Variants in VPS16 observed in about 807,000 individuals in gnomAD.
VPS16 encodes the protein VPS16 core subunit of CORVET and HOPS complexes.
A neutral mutation model predicts 116.0 loss-of-function variants in VPS16; 82 were observed. The observed-to-expected ratio is 0.71, with a 90% confidence interval of 0.59 to 0.85. VPS16 has a LOEUF of 0.85. VPS16 is among the 40% of genes least tolerant of loss of function. The pLI is 0.00. For synonymous variants in VPS16, 406 were observed against 420.7 expected (o/e 0.96, Z 0.43); for missense variants, 928 against 1,090.6 (o/e 0.85, Z 2.10).
chr20:2,856,579 T>C (rs2089173943), intron 1 of VPS16, among the ~76,000 whole-genome samples: 1 of 152,232 alleles, frequency 6.6e-6, no homozygotes, highest in Non-Finnish European at 1.5e-5. Context: ...GTCTACCCCA[T>C]CTACCACCCT....
In VPS16 at chr20:2,840,753, C is replaced by A; in HGVS notation, c.-22C>A. ...TAGGTGGGTGTCCCCTCGGTGCTTCCCAGCTGCCGTCTGCACCAGCCATGG... is the reference window on the plus strand; with the variant it reads ...TAGGTGGGTGTCCCCTCGGTGCTTCACAGCTGCCGTCTGCACCAGCCATGG... On this transcript the variant is annotated 5_prime_UTR_variant, in exon 1 of 24. Transcript: ENST00000380445. 6.5e-7 allele frequency: 1 copy of A among 1,547,958 alleles called. No homozygotes were observed. Among genetic ancestry groups the A allele is most frequent in the Non-Finnish European group, 8.7e-7 (1 of 1,146,454 alleles).
chr20:2,864,554 A>T lies in VPS16; in HGVS notation c.1826A>T (p.Lys609Met), dbSNP rs140467279. The change falls in exon 19 of 24, where the codon AAG (lysine) becomes ATG (methionine). Residue 609 changes from lysine (K) to methionine (M), a missense_variant. Coordinates refer to ENST00000380445, the MANE Select transcript of VPS16 (RefSeq NM_022575.4). This position sits in a 1 kb window ranked among gnomAD's most constrained non-coding sequence, Gnocchi z 5.2. ...GCCTGCCTGTGGCCCCAGTTCTGTA[A>T]GCATCAGGAGCTAGAGACGCTGAAG... ...MALSLYRQFC[K>M]HQELETLKDL... 664 of 1,614,122 alleles carry T rather than the reference A, an allele frequency of 4.1e-4. 5 individuals carry two copies. The East Asian group carries it at 8.1e-3, about 20-fold the overall frequency.
intron 1 of VPS16, among the ~76,000 whole-genome samples, chr20:2,845,489 C>T (rs1206020749): frequency 6.6e-6 from 1 of 150,784 alleles, no homozygotes; most frequent in East Asian, 1.9e-4. Context: ...ATTTTTGTTT[C>T]ATTTTGTTTT....
chr20:2,862,604 A>G lies in VPS16; in HGVS notation c.1097A>G (p.Tyr366Cys). 1 of 1,613,222 alleles carries G rather than the reference A, an allele frequency of 6.2e-7. No individual in the cohort carries two copies. The highest frequency in any genetic ancestry group is 8.5e-7 in the Non-Finnish European group (1 of 1,179,764). ...YEKESQKADE[Y>C]LREIQELGQL... ...AAAGAGAGCCAGAAGGCGGACGAGTACCTGCGGGAGATCCAGGAGCTGGGC... is the reference window on the plus strand; with the variant it reads ...AAAGAGAGCCAGAAGGCGGACGAGTGCCTGCGGGAGATCCAGGAGCTGGGC... Residue 366 changes from tyrosine (Y) to cysteine (C), a missense_variant, in exon 12 of 24, where the codon TAC (tyrosine) becomes TGC (cysteine). By Grantham distance (194) the Tyr-to-Cys change is radical. Coordinates refer to ENST00000380445, the MANE Select transcript of VPS16 (RefSeq NM_022575.4).
At chr20:2,842,521 C>T (rs73606183) in intron 1 of VPS16, among the ~76,000 whole-genome samples, 2 of 151,522 alleles carry the variant, frequency 1.3e-5, no homozygotes, top group African/African-American at 4.9e-5. Flanking sequence ...GCAGGAGAAT[C>T]GCTTGAACCT....
intron 1 of VPS16, among the ~76,000 whole-genome samples, chr20:2,843,301 A>G (rs1435438172): frequency 6.6e-6 from 1 of 152,104 alleles, no homozygotes; most frequent in Non-Finnish European, 1.5e-5. Context: ...GCGTGGTGGC[A>G]CACACCTATA....
chr20:2,856,171 G>A (rs1215905040), intron 1 of VPS16, among the ~76,000 whole-genome samples: 1 of 152,178 alleles, frequency 6.6e-6, no homozygotes, highest in Non-Finnish European at 1.5e-5. Context: ...TACACTGTGT[G>A]TCTCAGGGAA....
At chr20:2,858,398 C>T (rs756986921) in intron 1 of VPS16, among the ~76,000 whole-genome samples, 41 of 152,182 alleles carry the variant, frequency 2.7e-4, no homozygotes, top group Non-Finnish European at 5.6e-4. Context: ...TGAGCCACCT[C>T]ACTCCTTACT....
At chr20:2,847,388 A>G (rs895691523) in intron 1 of VPS16, among the ~76,000 whole-genome samples, 8 of 151,694 alleles carry the variant, frequency 5.3e-5, no homozygotes, top group East Asian at 3.9e-4. Context: ...GATTTTATCC[A>G]TCTCACCCAC....
intron 1 of VPS16, among the ~76,000 whole-genome samples, chr20:2,856,690 G>A (rs776248804): frequency 6.6e-6 from 1 of 152,050 alleles, no homozygotes; most frequent in African/African-American, 2.4e-5. Context: ...ATTTATTGTG[G>A]TTCTTCCTAT....
In VPS16 at chr20:2,864,288, G is replaced by A. The variant is rs770245630; in HGVS notation, c.1720+1G>A. 6.2e-7 allele frequency: 1 copy of A among 1,614,202 alleles called. No individual in the cohort carries two copies. Reference sequence around the variant, plus strand: ...ATCGAGAGCGGGGACACTGACCTGGGTGAGGGCAAGGCTGGGGGGCCCCTG... The same window carrying A: ...ATCGAGAGCGGGGACACTGACCTGGATGAGGGCAAGGCTGGGGGGCCCCTG... On this transcript the variant is annotated splice_donor_variant, in intron 17 of 23. Transcript: ENST00000380445. LOFTEE classifies it high-confidence loss of function. This position sits in a 1 kb window ranked among gnomAD's most constrained non-coding sequence, Gnocchi z 5.2.
chr20:2,843,511 C>T (rs1389875082), intron 1 of VPS16, among the ~76,000 whole-genome samples: 1 of 151,928 alleles, frequency 6.6e-6, no homozygotes, highest in Admixed American at 6.6e-5. Context: ...TCCATAAATG[C>T]AGTAGGAAAT....
intron 1 of VPS16, among the ~76,000 whole-genome samples, chr20:2,850,911 T>G (rs951195005): frequency 7.4e-6 from 1 of 135,868 alleles, no homozygotes; most frequent in Non-Finnish European, 1.5e-5. Flanking sequence ...AGGTCATGGC[T>G]ACAGTGAGCC....
In VPS16 at chr20:2,861,019, T is replaced by C. The variant is rs1229181040; in HGVS notation, c.680T>C (p.Val227Ala). The change falls in exon 7 of 24, where the codon GTC becomes GCC. Residue 227 changes from valine to alanine, a missense_variant. Physicochemically the swap from Val to Ala is moderately conservative, Grantham distance 64. Transcript: ENST00000380445. ...GTAAGCAGCTTCCTACAGATGGCTG[T>C]CTCCTTCACCTACCGACACCTGGCA... ...PGVSSFLQMA[V>A]SFTYRHLALF... The C allele has an allele frequency of 6.2e-7, 1 of 1,614,114 alleles. No homozygotes were observed. Among genetic ancestry groups the C allele is most frequent in the Non-Finnish European group, 8.5e-7 (1 of 1,180,016 alleles).
chr20:2,854,612 G>A (rs1028869472), intron 1 of VPS16, among the ~76,000 whole-genome samples: 1 of 151,572 alleles, frequency 6.6e-6, no homozygotes, highest in African/African-American at 2.4e-5. Flanking sequence ...TGGCCAACAC[G>A]GTGAAACCCT....
At position 2,856,809 on chromosome 20, in the gene VPS16, T is replaced by G. The variant is rs75590716; in HGVS notation, c.54-2910T>G. ...CCTAGACGCCATCCTCTTCCATTGA[T>G]CTATTTGCACATTCCTGTGCCAAAA... On this transcript the variant is annotated intron_variant, in intron 1 of 23. Coordinates refer to ENST00000380445, the MANE Select transcript of VPS16 (RefSeq NM_022575.4). 2.7e-3 allele frequency among the ~76,000 whole-genome samples: 413 copies of G among 152,368 alleles called. 18 individuals are homozygous for G. In the East Asian group the frequency reaches 0.073, roughly 27 times the overall value.
At position 2,863,773 on chromosome 20, in the gene VPS16, AAG is replaced by A. The variant is rs1227603902; in HGVS notation, c.1477-174_1477-173del. Among the ~76,000 whole-genome samples, 6 of 152,010 alleles carry A rather than the reference AAG, an allele frequency of 3.9e-5. No individual in the cohort carries two copies. The highest frequency in any genetic ancestry group is 7.4e-5 in the Non-Finnish European group (5 of 67,946). On this transcript the variant is annotated intron_variant, in intron 15 of 23. Coordinates refer to ENST00000380445, the MANE Select transcript of VPS16 (RefSeq NM_022575.4). The surrounding 1 kb of genome is among the most constrained non-coding windows in gnomAD (Gnocchi z 4.4). Reference sequence around the variant, plus strand: ...CAAGACTCTGTCTCAAAAAAAAAGAAAGAAGTGGCGGGGGCGGAGGAGGAGGG... The same window carrying A: ...CAAGACTCTGTCTCAAAAAAAAAGAAAAGTGGCGGGGGCGGAGGAGGAGGG...
At position 2,863,487 on chromosome 20, in the gene VPS16, G is replaced by A; in HGVS notation, c.1476+89G>A. The A allele has an allele frequency of 7.5e-7, 1 of 1,338,142 alleles. No homozygotes were observed. The highest frequency in any genetic ancestry group is 1.1e-6 in the Non-Finnish European group (1 of 947,754). The allele number at this position is 1,338,142 out of a possible 1,614,324, so 82.9% of individuals were successfully genotyped here. A position where few individuals can be genotyped will look rare whatever the true frequency, so the allele number is the denominator to read the frequency against. On this transcript the variant is annotated intron_variant, in intron 15 of 23. Coordinates refer to ENST00000380445, the MANE Select transcript of VPS16 (RefSeq NM_022575.4). The surrounding 1 kb of genome is among the most constrained non-coding windows in gnomAD (Gnocchi z 4.4). Reference sequence around the variant, plus strand: ...AATAGAAAGTGTAGAACTGCGCTGGGCACGGTGGCTCATGCCTGTAATCCC... The same window carrying A: ...AATAGAAAGTGTAGAACTGCGCTGGACACGGTGGCTCATGCCTGTAATCCC...
At chr20:2,842,198 AG>A (rs1176112561) in intron 1 of VPS16, among the ~76,000 whole-genome samples, 3 of 152,114 alleles carry the variant, frequency 2.0e-5, no homozygotes, top group Non-Finnish European at 4.4e-5. Context: ...GGTACTGGAG[AG>A]GCTGAGTTAG....
Sources: gnomAD v4.1 joint callset for allele counts (sites outside exome capture counted in the v4.1 genomes callset) on GRCh38, gnomAD v4.1.1 for gene constraint, Gnocchi (gnomAD v3.1) non-coding constraint, MANE v1.5 for transcripts, NCBI Gene and HGNC (gene_info 2026-07-23, HGNC 2026-07-21) for gene names.